GLIS3: variants seen among roughly 807,000 people sequenced by gnomAD.
GLIS3 encodes zinc finger protein GLIS3.
GLIS3 carries 53 observed loss-of-function variants against 78.6 expected under a neutral mutation model. The observed-to-expected ratio is 0.67, with a 90% CI of 0.54 to 0.85. The LOEUF is 0.85. Among genes scored for constraint, GLIS3 ranks in the 40% least tolerant of loss-of-function variants. The pLI is 0.00. For missense variants in GLIS3, 1,703 were observed against 1,231.1 expected, an observed-to-expected ratio of 1.38 and a Z score of -5.74; for synonymous variants, 684 against 509.9, an observed-to-expected ratio of 1.34 and a Z score of -4.60.
intron 2 of GLIS3, among the ~76,000 whole-genome samples, chr9:4,152,797 A>C (rs1366134600): frequency 6.6e-6 from 1 of 152,260 alleles, no homozygotes; most frequent in African/African-American, 2.4e-5. Flanking sequence ...TAATGAAAAA[A>C]AGAATTAAAA....
In GLIS3 at chr9:3,828,386, G is replaced by C. The variant is rs377144389; in HGVS notation, c.2679C>G (p.Ser893=). The change falls in exon 11 of 11, where the codon TCC becomes TCG. Residue 893 remains serine (S), a synonymous_variant. Coordinates refer to ENST00000381971, the MANE Select transcript of GLIS3 (RefSeq NM_001042413.2). ...GITVYDLPSS[S]SSLFGESLRS... Reference sequence around the variant, plus strand: ...GGAGAGACTCCCCAAAGAGGCTCGAGGAACTTGAAGGTAAATCATACACTG... The same window carrying C: ...GGAGAGACTCCCCAAAGAGGCTCGACGAACTTGAAGGTAAATCATACACTG... 3.1e-6 allele frequency: 5 copies of C among 1,613,330 alleles called. No homozygotes were observed. In the African/African-American group the frequency reaches 4.0e-5, roughly 13 times the overall value.
At chr9:4,085,241 G>C (rs905699917) in intron 4 of GLIS3, among the ~76,000 whole-genome samples, 11 of 149,652 alleles carry the variant, frequency 7.4e-5, no homozygotes, top group African/African-American at 2.7e-4. Context: ...TAATCAATCA[G>C]TTTGCCTCTA....
intron 2 of GLIS3, among the ~76,000 whole-genome samples, chr9:4,344,225 C>T (rs900350780): frequency 3.9e-5 from 6 of 152,046 alleles, no homozygotes; most frequent in African/African-American, 1.4e-4. Flanking sequence ...TTATTTGCCC[C>T]AGGGTTTCCT....
In GLIS3 at chr9:4,175,052, G is replaced by C. The variant is rs561925705; in HGVS notation, c.389-49111C>G. 2.0e-5 allele frequency among the ~76,000 whole-genome samples: 3 copies of C among 152,286 alleles called. No homozygotes were observed. The East Asian group carries it at 5.8e-4, about 29-fold the overall frequency. On this transcript the variant is annotated intron_variant, in intron 2 of 10. Transcript: ENST00000381971. Reference sequence around the variant, plus strand: ...TCAAGCACATGGTTTTCTGAGCTCAGCACTCCTTCCTTCTTTTAAAGAGCA... The same window carrying C: ...TCAAGCACATGGTTTTCTGAGCTCACCACTCCTTCCTTCTTTTAAAGAGCA...
intron 2 of GLIS3, among the ~76,000 whole-genome samples, chr9:4,176,178 C>T (rs4741904): frequency 0.75 from 113,761 of 152,058 alleles, 42,942 homozygotes; most frequent in African/African-American, 0.85. Context: ...GCACTTTCGG[C>T]GGACTTGTCA....
chr9:4,221,003 A>T (rs1247186532), intron 2 of GLIS3, among the ~76,000 whole-genome samples: 1 of 152,138 alleles, frequency 6.6e-6, no homozygotes, highest in African/African-American at 2.4e-5. Context: ...TAATTAATTA[A>T]TAAGTGTTTC....
intron 2 of GLIS3, among the ~76,000 whole-genome samples, chr9:4,319,129 T>A (rs1399326711): frequency 2.0e-5 from 3 of 152,044 alleles, no homozygotes; most frequent in Admixed American, 6.6e-5. Context: ...GACAACAAAA[T>A]GAAATGAGTG....
intron 2 of GLIS3, among the ~76,000 whole-genome samples, chr9:4,136,945 C>G (rs555501741): frequency 1.3e-5 from 2 of 152,282 alleles, no homozygotes; most frequent in South Asian, 4.1e-4. Context: ...GCTGATATAA[C>G]TAGTCACCTG....
chr9:4,396,033 A>T, the GLIS3 span, among the ~76,000 whole-genome samples: 83 of 151,952 alleles, frequency 5.5e-4, 1 homozygote, highest in Admixed American at 2.9e-3. Flanking sequence ...CGGCCTCCCA[A>T]AGTGCTGGGA....
chr9:4,323,105 G>A (rs577794718), intron 2 of GLIS3, among the ~76,000 whole-genome samples: 103 of 152,250 alleles, frequency 6.8e-4, no homozygotes, highest in African/African-American at 2.4e-3. Context: ...GTGTAAGGAA[G>A]GGATCCAGTT....
chr9:3,845,479 G>A (rs1057292588), intron 9 of GLIS3, among the ~76,000 whole-genome samples: 2 of 152,080 alleles, frequency 1.3e-5, no homozygotes, highest in African/African-American at 4.8e-5. Context: ...GCAAACATAA[G>A]GCTGGGAGGG....
At chr9:3,872,347 T>A (rs1057220614) in intron 8 of GLIS3, among the ~76,000 whole-genome samples, 1 of 152,240 alleles carries the variant, frequency 6.6e-6, no homozygotes, top group Non-Finnish European at 1.5e-5. Context: ...AGGTATCTAC[T>A]GTAGCACCCC....
chr9:4,115,731 T>C (rs186708646), intron 4 of GLIS3, among the ~76,000 whole-genome samples: 99 of 152,278 alleles, frequency 6.5e-4, no homozygotes, highest in Admixed American at 1.9e-3. Context: ...GCTAAAAATA[T>C]ATAGCCCCAG....
the GLIS3 span, among the ~76,000 whole-genome samples, chr9:4,429,486 T>G: frequency 1.3e-5 from 2 of 152,218 alleles, no homozygotes; most frequent in Admixed American, 1.3e-4. Context: ...TACCTTCAGA[T>G]CTCAACTTAG....
chr9:4,476,350 T>G, the GLIS3 span, among the ~76,000 whole-genome samples: 1 of 151,894 alleles, frequency 6.6e-6, no homozygotes, highest in Non-Finnish European at 1.5e-5. Flanking sequence ...CTGAATTCAG[T>G]GGGGTTTTTT....
intron 8 of GLIS3, among the ~76,000 whole-genome samples, chr9:3,873,105 C>A (rs932910624): frequency 6.6e-6 from 1 of 152,064 alleles, no homozygotes; most frequent in Non-Finnish European, 1.5e-5. Flanking sequence ...AAAGTCTTCC[C>A]AAAGGAAAAG....
At chr9:3,867,760 CAT>C (rs1820694818) in intron 8 of GLIS3, among the ~76,000 whole-genome samples, 4 of 149,562 alleles carry the variant, frequency 2.7e-5, no homozygotes, top group African/African-American at 9.9e-5. Context: ...TGTGTGAGTG[CAT>C]GTGTGTATGC....
intron 4 of GLIS3, among the ~76,000 whole-genome samples, chr9:4,038,621 T>C (rs1034823028): frequency 6.6e-6 from 1 of 152,212 alleles, no homozygotes; most frequent in Non-Finnish European, 1.5e-5. Flanking sequence ...AAAGCAGGCA[T>C]GAGAATACAT....
chr9:4,164,790 G>A (rs543743016), intron 2 of GLIS3, among the ~76,000 whole-genome samples: 3 of 152,166 alleles, frequency 2.0e-5, no homozygotes, highest in Non-Finnish European at 4.4e-5. Context: ...AGATCAGGGA[G>A]GAAGGCAGTA....
Sources: allele counts gnomAD v4.1 joint callset (sites outside exome capture counted in the v4.1 genomes callset), GRCh38; gene constraint gnomAD v4.1.1; transcripts MANE v1.5; gene names NCBI Gene and HGNC (gene_info 2026-07-23, HGNC 2026-07-21).